MSRA: variants seen among roughly 807,000 people sequenced by gnomAD.
MSRA encodes the protein methionine sulfoxide reductase A, also known as mitochondrial peptide methionine sulfoxide reductase.
Under a neutral mutation model 31.3 loss-of-function variants are expected in MSRA, and 54 were observed. The observed-to-expected ratio is 1.73, with a 90% confidence interval of 1.39 to 2.17. The LOEUF is 2.17. MSRA is among the 30% of genes most tolerant of loss of function. The pLI, the probability that MSRA is intolerant of heterozygous loss-of-function variation, is 0.00. For synonymous variants in MSRA, 169 were observed against 116.5 expected (o/e 1.45, Z -2.90); for missense variants, 507 against 300.9 (o/e 1.69, Z -5.07).
chr8:10,077,809 A>G (rs1194151294), intron 1 of MSRA, among the ~76,000 whole-genome samples: 1 of 152,210 alleles, frequency 6.6e-6, no homozygotes, highest in African/African-American at 2.4e-5. Context: ...CTTGCTATCC[A>G]TTTAGGAGGA....
intron 1 of MSRA, among the ~76,000 whole-genome samples, chr8:10,103,028 C>G (rs1799640092): frequency 6.6e-6 from 1 of 152,008 alleles, no homozygotes; most frequent in South Asian, 2.1e-4. Context: ...ACTAGCTACC[C>G]AGAGATTAGT....
intron 1 of MSRA, among the ~76,000 whole-genome samples, chr8:10,190,639 C>T (rs929318844): frequency 3.9e-5 from 6 of 152,172 alleles, no homozygotes; most frequent in Admixed American, 1.3e-4. Flanking sequence ...GTTTAGATCA[C>T]GTAGTTACTA....
At chr8:10,147,716 C>G (rs939012643) in intron 1 of MSRA, among the ~76,000 whole-genome samples, 2 of 152,166 alleles carry the variant, frequency 1.3e-5, no homozygotes, top group Non-Finnish European at 2.9e-5. Context: ...TGCTCAACCA[C>G]CAGCTCACAG....
At chr8:10,407,129 G>A (rs1032667004) in intron 5 of MSRA, among the ~76,000 whole-genome samples, 7 of 152,158 alleles carry the variant, frequency 4.6e-5, no homozygotes, top group African/African-American at 1.2e-4. Context: ...TTCCCGCCTC[G>A]GCCTTCTAAA....
intron 2 of MSRA, among the ~76,000 whole-genome samples, chr8:10,233,498 G>A (rs568760757): frequency 2.0e-5 from 3 of 152,114 alleles, no homozygotes; most frequent in African/African-American, 7.2e-5. Flanking sequence ...CAGAAAATAG[G>A]CAAAATAAAA....
intron 5 of MSRA, among the ~76,000 whole-genome samples, chr8:10,332,685 C>T (rs1375355496): frequency 6.6e-6 from 1 of 152,188 alleles, no homozygotes; most frequent in Non-Finnish European, 1.5e-5. Flanking sequence ...TGATTATTTT[C>T]ATTTCCACTT....
At chr8:10,099,187 C>G (rs1319350939) in intron 1 of MSRA, among the ~76,000 whole-genome samples, 2 of 152,090 alleles carry the variant, frequency 1.3e-5, no homozygotes, top group Non-Finnish European at 2.9e-5. Context: ...AAAAAGAAGG[C>G]ATAGGTTCAT....
intron 3 of MSRA, among the ~76,000 whole-genome samples, chr8:10,246,774 T>A (rs971177804): frequency 1.1e-4 from 16 of 152,230 alleles, no homozygotes; most frequent in Non-Finnish European, 1.8e-4. Context: ...ATATTCTGAT[T>A]CGTATGGAGA....
chr8:10,401,442 G>A (rs1226996743), intron 5 of MSRA, among the ~76,000 whole-genome samples: 18 of 152,164 alleles, frequency 1.2e-4, no homozygotes, highest in Admixed American at 1.2e-3. Flanking sequence ...TGGAGAAATT[G>A]GAACCCTTGT....
chr8:10,063,157 G>A (rs999422620), intron 1 of MSRA, among the ~76,000 whole-genome samples: 8 of 152,152 alleles, frequency 5.3e-5, no homozygotes, highest in African/African-American at 1.9e-4. Context: ...TCTCTCAGTG[G>A]CACTGCTCTC....
At chr8:10,250,477 C>T in intron 3 of MSRA, 1 of 702,340 alleles carries the variant, frequency 1.4e-6, no homozygotes, top group Non-Finnish European at 2.6e-6. Context: ...TAGAAATCTG[C>T]ACAGCCAAGT....
rs115695928 is a variant in MSRA at position 10,068,259 on chromosome 8, G to C, written c.142+13601G>C. On this transcript the variant is annotated intron_variant, in intron 1 of 5. Transcript: ENST00000317173. ...ATGTGTCTTTTCCAATTTTTTCCCA[G>C]CCTGTGGCTTGTCTTCTTATCTTCT... 8.2e-3 allele frequency among the ~76,000 whole-genome samples: 1,249 copies of C among 152,190 alleles called. 16 individuals are homozygous for C. The highest frequency in any genetic ancestry group is 0.027 in the African/African-American group (1,129 of 41,520).
chr8:10,415,597 T>A (rs1808411467), intron 5 of MSRA, among the ~76,000 whole-genome samples: 1 of 152,056 alleles, frequency 6.6e-6, no homozygotes, highest in Non-Finnish European at 1.5e-5. Flanking sequence ...CACCTCTGCT[T>A]CCATCTTTTC....
At chr8:10,202,928 G>A (rs2129057966) in intron 1 of MSRA, among the ~76,000 whole-genome samples, 1 of 152,226 alleles carries the variant, frequency 6.6e-6, no homozygotes, top group East Asian at 1.9e-4. Flanking sequence ...TGGGAGAGCT[G>A]AGAGTCACAG....
chr8:10,358,839 G>A lies in MSRA; in HGVS notation c.543+38850G>A, dbSNP rs369652281. Among the ~76,000 whole-genome samples the A allele has an allele frequency of 2.6e-4, 39 of 148,556 alleles. 1 individual carries two copies. The highest frequency in any genetic ancestry group is 3.4e-3 in the Middle Eastern group (1 of 292). On this transcript the variant is annotated intron_variant, in intron 5 of 5. Coordinates refer to ENST00000317173, the MANE Select transcript of MSRA (RefSeq NM_012331.5). ...GATCTCCTGACCTCGTGATCCGCCC[G>A]CCTCGGCCTCCCAAAGTGCTGGGAT...
intron 1 of MSRA, among the ~76,000 whole-genome samples, chr8:10,056,524 CTTT>C (rs58900236): frequency 3.0e-4 from 42 of 138,212 alleles, no homozygotes; most frequent in Non-Finnish European, 2.9e-4. Flanking sequence ...GGCCAGTAAA[CTTT>C]TTTTTTTTTT....
At chr8:10,282,217 A>T (rs751753146) in intron 3 of MSRA, among the ~76,000 whole-genome samples, 18 of 152,360 alleles carry the variant, frequency 1.2e-4, no homozygotes, top group Non-Finnish European at 2.2e-4. Flanking sequence ...CTCTACAGTA[A>T]GTGCCTGACA....
intron 4 of MSRA, among the ~76,000 whole-genome samples, chr8:10,301,877 A>C (rs1163344674): frequency 6.6e-6 from 1 of 152,266 alleles, no homozygotes; most frequent in Non-Finnish European, 1.5e-5. Flanking sequence ...GAAAATTCCC[A>C]CAGAGGAAGA....
chr8:10,220,776 C>A (rs921414761), intron 2 of MSRA, among the ~76,000 whole-genome samples: 1 of 152,178 alleles, frequency 6.6e-6, no homozygotes, highest in Non-Finnish European at 1.5e-5. Flanking sequence ...ATTCTGTTTC[C>A]TCAGCATATG....
Sources: allele counts gnomAD v4.1 joint callset (sites outside exome capture counted in the v4.1 genomes callset), GRCh38; gene constraint gnomAD v4.1.1; transcripts MANE v1.5; gene names NCBI Gene and HGNC (gene_info 2026-07-23, HGNC 2026-07-21).